The following PDE1C variants were observed in gnomAD, a reference collection of about 807,000 sequenced individuals.
The protein encoded by PDE1C is dual specificity calcium/calmodulin-dependent 3',5'-cyclic nucleotide phosphodiesterase 1C.
PDE1C carries 62 observed loss-of-function variants against 93.1 expected under a neutral mutation model. The ratio of observed to expected loss-of-function variants is 0.67; its 90% CI spans 0.54 to 0.82. The LOEUF (loss-of-function observed/expected upper bound fraction) is 0.82, where lower values mean the gene tolerates loss of function less well. PDE1C is among the 40% of genes least tolerant of loss of function. PDE1C has a pLI of 0.00. For synonymous variants in PDE1C, 325 were observed against 310.1 expected (o/e 1.05, Z -0.50); for missense variants, 742 against 884.6 (o/e 0.84, Z 2.04).
At chr7:31,630,613 G>A in the PDE1C span, among the ~76,000 whole-genome samples, 8 of 152,036 alleles carry the variant, frequency 5.3e-5, no homozygotes, top group African/African-American at 7.2e-5. Flanking sequence ...GATCTGCATC[G>A]AGTATGTCAC....
At chr7:31,767,812 T>G (rs1795236635) in intron 17 of PDE1C, among the ~76,000 whole-genome samples, 1 of 152,118 alleles carries the variant, frequency 6.6e-6, no homozygotes, top group East Asian at 1.9e-4. Flanking sequence ...GCTGACTTCT[T>G]GTTGTGCCCT....
At chr7:32,226,505 G>A (rs529380150) in intron 1 of PDE1C, among the ~76,000 whole-genome samples, 1 of 152,304 alleles carries the variant, frequency 6.6e-6, no homozygotes, top group East Asian at 1.9e-4. Flanking sequence ...ATAATGAGGA[G>A]AAATGCAACC....
the PDE1C span, among the ~76,000 whole-genome samples, chr7:31,646,525 A>G: frequency 6.6e-6 from 1 of 152,116 alleles, no homozygotes; most frequent in Admixed American, 6.5e-5. Context: ...TCAGAATAGG[A>G]GCAGAAGATT....
intron 2 of PDE1C, among the ~76,000 whole-genome samples, chr7:32,028,071 C>CA (rs559094325): frequency 1.8e-4 from 28 of 152,272 alleles, no homozygotes; most frequent in African/African-American, 6.5e-4. Flanking sequence ...GGCTGTCCAA[C>CA]AGCAAGACAC....
At chr7:32,338,246 A>G (rs1783669938) in intron 1 of PDE1C, among the ~76,000 whole-genome samples, 1 of 152,212 alleles carries the variant, frequency 6.6e-6, no homozygotes, top group African/African-American at 2.4e-5. Flanking sequence ...TCCAGACTAT[A>G]TGAAGAGCTC....
the PDE1C span, among the ~76,000 whole-genome samples, chr7:31,710,702 C>T: frequency 5.3e-5 from 8 of 152,308 alleles, no homozygotes; most frequent in East Asian, 1.4e-3. Context: ...TCCCTTGCCA[C>T]TCGTAATTTG....
At chr7:32,011,803 T>C (rs1787157058) in intron 2 of PDE1C, among the ~76,000 whole-genome samples, 1 of 152,192 alleles carries the variant, frequency 6.6e-6, no homozygotes, top group Admixed American at 6.5e-5. Flanking sequence ...TACTATATGA[T>C]GTAGCCATTC....
chr7:32,027,950 T>C (rs1460888567), intron 2 of PDE1C, among the ~76,000 whole-genome samples: 1 of 152,048 alleles, frequency 6.6e-6, no homozygotes, highest in Non-Finnish European at 1.5e-5. Flanking sequence ...CTTAATCACC[T>C]TTAGGTACTA....
intron 1 of PDE1C, among the ~76,000 whole-genome samples, chr7:32,311,873 C>T (rs957920857): frequency 3.9e-5 from 6 of 152,306 alleles, no homozygotes; most frequent in African/African-American, 1.4e-4. Context: ...CTCGCCACTC[C>T]TATTCAACAT....
intron 1 of PDE1C, among the ~76,000 whole-genome samples, chr7:32,217,964 A>G (rs1806549611): frequency 1.3e-5 from 2 of 152,196 alleles, no homozygotes; most frequent in Non-Finnish European, 2.9e-5. Context: ...AATAACTTGC[A>G]GTGGTAGGTC....
chr7:31,630,466 T>A, the PDE1C span, among the ~76,000 whole-genome samples: 17 of 152,240 alleles, frequency 1.1e-4, no homozygotes, highest in African/African-American at 3.8e-4. Flanking sequence ...GATTAAAACT[T>A]GTGTCCCAAT....
At chr7:31,931,035 C>T (rs1269807866) in intron 2 of PDE1C, among the ~76,000 whole-genome samples, 6 of 152,082 alleles carry the variant, frequency 3.9e-5, no homozygotes, top group Non-Finnish European at 5.9e-5. Flanking sequence ...TAAAATTCAA[C>T]ATCCCTTCAT....
At chr7:32,359,770 C>T (rs6968772) in intron 1 of PDE1C, among the ~76,000 whole-genome samples, 17,134 of 152,150 alleles carry the variant, frequency 0.11, 1,541 homozygotes, top group African/African-American at 0.23. Flanking sequence ...CCTCACTGTT[C>T]CCAGCACAAC....
downstream of PDE1C, among the ~76,000 whole-genome samples, chr7:31,747,915 G>A (rs1156858583): frequency 1.3e-5 from 2 of 151,460 alleles, no homozygotes; most frequent in African/African-American, 4.9e-5. Flanking sequence ...TAACTCCTGA[G>A]CAAGAAAGGA....
chr7:32,118,740 T>G (rs1159883522), intron 3 of PDE1C, among the ~76,000 whole-genome samples: 1 of 152,208 alleles, frequency 6.6e-6, no homozygotes, highest in Non-Finnish European at 1.5e-5. Context: ...AATCCATTCA[T>G]GAGGGCAGAG....
intron 2 of PDE1C, among the ~76,000 whole-genome samples, chr7:31,934,111 TC>T (rs1473074123): frequency 6.6e-6 from 1 of 152,220 alleles, no homozygotes; most frequent in Non-Finnish European, 1.5e-5. Context: ...GTTAAGTGCT[TC>T]ATCCAAGTCT....
chr7:31,829,775 G>C (rs1332237116), intron 11 of PDE1C, among the ~76,000 whole-genome samples: 1 of 152,116 alleles, frequency 6.6e-6, no homozygotes, highest in African/African-American at 2.4e-5. Context: ...GCTCTCTCAA[G>C]TGGCATGATA....
chr7:31,943,484 T>C (rs1806127587), intron 2 of PDE1C, among the ~76,000 whole-genome samples: 1 of 152,150 alleles, frequency 6.6e-6, no homozygotes, highest in Admixed American at 6.5e-5. Flanking sequence ...ATCAAGCAGA[T>C]TTATTTTGTA....
At chr7:31,890,575 T>A (rs1023120071) in intron 2 of PDE1C, among the ~76,000 whole-genome samples, 3 of 152,204 alleles carry the variant, frequency 2.0e-5, no homozygotes, top group Non-Finnish European at 2.9e-5. Context: ...CATGTTGGTA[T>A]GATTATCCAG....
Sources: allele counts gnomAD v4.1 joint callset (sites outside exome capture counted in the v4.1 genomes callset), GRCh38; gene constraint gnomAD v4.1.1; transcripts MANE v1.5; gene names NCBI Gene and HGNC (gene_info 2026-07-23, HGNC 2026-07-21).